The following RBM27 variants were observed in gnomAD, a reference collection of about 807,000 sequenced individuals.
The protein encoded by RBM27 is RNA-binding protein 27.
In RBM27, 22 loss-of-function variants were observed where a neutral mutation model predicts 135.3. The ratio of observed to expected loss-of-function variants is 0.16; its 90% confidence interval spans 0.12 to 0.23. The LOEUF is 0.23. RBM27 is among the 10% of genes least tolerant of loss of function. The pLI, the probability that RBM27 is intolerant of heterozygous loss-of-function variation, is 1.00. For synonymous variants in RBM27, 481 were observed against 442.4 expected (o/e 1.09, Z -1.10); for missense variants, 1,009 against 1,281.0 (o/e 0.79, Z 3.24).
intron 9 of RBM27, 81 bp from the exon 10 acceptor site, chr5:146,254,862 A>T: frequency 8.2e-7 from 1 of 1,223,996 alleles, no homozygotes; most frequent in Non-Finnish European, 1.1e-6. Context: ...TTTTTTAAGC[A>T]GTTGTTTATT....
chr5:146,238,650 T>C (rs1003069102), intron 8 of RBM27, among the ~76,000 whole-genome samples: 1 of 148,550 alleles, frequency 6.7e-6, no homozygotes, highest in African/African-American at 2.4e-5. Flanking sequence ...AAATGTCAAA[T>C]TAGAAGATTT....
intron 11 of RBM27, 105 bp from the exon 12 acceptor site, chr5:146,260,640 C>G (rs1581215246): frequency 2.1e-6 from 2 of 942,204 alleles, no homozygotes; most frequent in Non-Finnish European, 3.1e-6. Flanking sequence ...TGCCCAGCCA[C>G]AAAAGGCACT....
At chr5:146,222,216 G>A (rs115556002) in intron 2 of RBM27, among the ~76,000 whole-genome samples, 3,355 of 152,308 alleles carry the variant, frequency 0.022, 146 homozygotes, top group African/African-American at 0.077. Context: ...CAAATTAGTA[G>A]TGTAAAGAAA....
intron 3 of RBM27, among the ~76,000 whole-genome samples, chr5:146,225,924 G>A (rs760413063): frequency 4.6e-5 from 7 of 151,906 alleles, no homozygotes; most frequent in South Asian, 2.1e-4. Context: ...GTGCGGTGGC[G>A]CGATCTCGGC....
Position 146,286,354 on chromosome 5 carries a change from T to C in RBM27, c.*324T>C, listed in dbSNP as rs10515567. The stretch of plus-strand genomic sequence containing the variant: ...TGTAAATGACAGGGTGTTCAGAAAT[T>C]TTATTTTGGATTATAATCTACTGAT... On this transcript the variant is annotated 3_prime_UTR_variant, in exon 21 of 21. Coordinates refer to ENST00000265271, the MANE Select transcript of RBM27 (RefSeq NM_018989.2). The C allele has an allele frequency of 0.21, 37,458 of 174,916 alleles. 4,996 individuals are homozygous for C. Among genetic ancestry groups the C allele is most frequent in the Admixed American group, 0.33 (5,332 of 16,000 alleles). The allele number at this position is 174,916 out of a possible 1,614,324, so 10.8% of individuals were successfully genotyped here. A position where few individuals can be genotyped will look rare whatever the true frequency, so the allele number is the denominator to read the frequency against.
intron 19 of RBM27, among the ~76,000 whole-genome samples, chr5:146,277,911 G>A (rs1759162457): frequency 6.6e-6 from 1 of 152,112 alleles, no homozygotes; most frequent in Non-Finnish European, 1.5e-5. Context: ...CTAATTGCCA[G>A]TAAGTGCTAC....
chr5:146,216,531 C>G (rs1028730988), intron 1 of RBM27, among the ~76,000 whole-genome samples: 1 of 152,102 alleles, frequency 6.6e-6, no homozygotes, highest in African/African-American at 2.4e-5. Context: ...AAGATCTACT[C>G]TCTTAGCAAA....
At chr5:146,270,196 A>G (rs1387526077) in intron 17 of RBM27, among the ~76,000 whole-genome samples, 1 of 152,170 alleles carries the variant, frequency 6.6e-6, no homozygotes, top group Non-Finnish European at 1.5e-5. Flanking sequence ...ATTAATTTCC[A>G]TGTGTTTCCT....
chr5:146,227,695 C>A (rs768657226), intron 3 of RBM27, among the ~76,000 whole-genome samples: 2 of 152,084 alleles, frequency 1.3e-5, no homozygotes, highest in Non-Finnish European at 2.9e-5. Context: ...GCTGAGATAG[C>A]GCCACTGCAC....
In RBM27 at chr5:146,271,656, C is replaced by T. The variant is rs1365419571; in HGVS notation, c.2970C>T (p.Asp990=). ...GATTCATTGAGGAAGAAAAAGAAGA[C>T]TTGCTTCAGCATTTCTCAGTAAGTT... The part of the protein sequence containing the change: ...VGGFIEEEKE[D]LLQHFSTANQ... Residue 990 remains aspartate, a synonymous_variant, in exon 19 of 21, where the codon GAC becomes GAT. Coordinates refer to ENST00000265271, the MANE Select transcript of RBM27 (RefSeq NM_018989.2). The T allele has an allele frequency of 3.1e-6, 5 of 1,612,736 alleles. No individual in the cohort carries two copies. Among genetic ancestry groups the T allele is most frequent in the Admixed American group, 1.7e-5 (1 of 59,874 alleles).
At chr5:146,266,348 T>A (rs1315553409) in intron 14 of RBM27, among the ~76,000 whole-genome samples, 1 of 152,172 alleles carries the variant, frequency 6.6e-6, no homozygotes, top group East Asian at 1.9e-4. Context: ...AGGGAAACTA[T>A]GAAGTAAAGG....
intron 19 of RBM27, among the ~76,000 whole-genome samples, chr5:146,274,915 C>T (rs1182636045): frequency 6.6e-6 from 1 of 151,766 alleles, no homozygotes; most frequent in African/African-American, 2.4e-5. Context: ...CAGATGATCT[C>T]CTTTACATTG....
chr5:146,271,421 C>A, intron 18 of RBM27, 62 bp from the exon 19 acceptor site: 3 of 1,322,090 alleles, frequency 2.3e-6, no homozygotes, highest in South Asian at 1.5e-5. Context: ...AAAAAGTTTT[C>A]CTTTGTTTTT....
intron 3 of RBM27, among the ~76,000 whole-genome samples, chr5:146,226,284 T>C (rs1389638555): frequency 1.3e-5 from 2 of 152,224 alleles, no homozygotes; most frequent in African/African-American, 4.8e-5. Flanking sequence ...TTTTGTAACG[T>C]GTTTTTTACA....
rs183911890 is a variant in RBM27, at chr5:146,247,975, A to G, written c.1280-3736A>G. ...TTGCTAGCATTCCATATAGTTGACT[A>G]TAACAACCATTTGGTTAACCTGAAA... On this transcript the variant is annotated intron_variant, in intron 8 of 20. Transcript: ENST00000265271. Among the ~76,000 whole-genome samples, 128 of 152,324 alleles carry G rather than the reference A, an allele frequency of 8.4e-4. 1 individual carries two copies. Among genetic ancestry groups the G allele is most frequent in the African/African-American group, 1.2e-3 (49 of 41,582 alleles).
intron 2 of RBM27, among the ~76,000 whole-genome samples, chr5:146,221,160 AAGTT>A (rs1273886928): frequency 2.0e-5 from 3 of 152,048 alleles, no homozygotes; most frequent in Admixed American, 6.6e-5. Context: ...AAAAAAAAAA[AAGTT>A]AGAAAGGATT....
intron 8 of RBM27, among the ~76,000 whole-genome samples, chr5:146,247,904 T>A (rs1041900307): frequency 2.0e-5 from 3 of 152,212 alleles, no homozygotes; most frequent in Non-Finnish European, 2.9e-5. Flanking sequence ...TGCCTGGATT[T>A]GCTGTTGTAT....
chr5:146,203,680 T>C lies in RBM27; in HGVS notation c.-86T>C. 7.9e-7 allele frequency: 1 copy of C among 1,262,540 alleles called. No homozygotes were observed. Among genetic ancestry groups the C allele is most frequent in the East Asian group, 2.6e-5 (1 of 38,890 alleles). 78.2% of individuals were successfully genotyped at this position (1,262,540 alleles called of 1,614,324 possible). The stretch of plus-strand genomic sequence containing the variant: ...CCCGGTGGGCTGGGGCACCGGGAGC[T>C]GTGAAGGGAACGTGAGGGGGCGGCG... On this transcript the variant is annotated 5_prime_UTR_variant, in exon 1 of 21. Transcript: ENST00000265271.
intron 3 of RBM27, among the ~76,000 whole-genome samples, chr5:146,226,786 G>C (rs770942739): frequency 4.6e-5 from 7 of 152,118 alleles, no homozygotes; most frequent in Non-Finnish European, 8.8e-5. Context: ...AATGGATAAT[G>C]CCAGTTTCTG....
Sources: allele counts gnomAD v4.1 joint callset (sites outside exome capture counted in the v4.1 genomes callset), GRCh38; gene constraint gnomAD v4.1.1; transcripts MANE v1.5; gene names NCBI Gene and HGNC (gene_info 2026-07-23, HGNC 2026-07-21).